The following PLPP1 variants were observed in gnomAD, a reference collection of about 807,000 sequenced individuals.
PLPP1 encodes the protein phospholipid phosphatase 1, also known as lipid phosphate phosphohydrolase 1a.
PLPP1 carries 24 observed loss-of-function variants against 31.2 expected under a neutral mutation model. The ratio of observed to expected loss-of-function variants is 0.77; its 90% CI spans 0.56 to 1.08. The LOEUF (loss-of-function observed/expected upper bound fraction) is 1.08, where lower values mean the gene tolerates loss of function less well. Ranked by LOEUF, PLPP1 falls within the 50% of genes least tolerant of loss-of-function variation. The pLI is 0.00. For synonymous variants in PLPP1, 146 were observed against 126.3 expected, an observed-to-expected ratio of 1.16 and a Z score of -1.05; for missense variants, 319 against 342.7, an observed-to-expected ratio of 0.93 and a Z score of 0.55.
intron 4 of PLPP1, among the ~76,000 whole-genome samples, chr5:55,430,873 A>C (rs1463020634): frequency 6.6e-6 from 1 of 152,200 alleles, no homozygotes; most frequent in African/African-American, 2.4e-5. Flanking sequence ...TTAGGATATG[A>C]ATGAGAAAAT....
chr5:55,501,313 C>CA (rs940282450), intron 1 of PLPP1, among the ~76,000 whole-genome samples: 29 of 151,156 alleles, frequency 1.9e-4, no homozygotes, highest in African/African-American at 5.8e-4. Context: ...GACTCCGTCT[C>CA]AAAAAAAACA....
chr5:55,469,792 A>G (rs973086122), intron 2 of PLPP1, among the ~76,000 whole-genome samples: 14 of 152,176 alleles, frequency 9.2e-5, no homozygotes, highest in Admixed American at 3.3e-4. Context: ...ACCTGGCTCA[A>G]TGGCTCCTAG....
intron 1 of PLPP1, among the ~76,000 whole-genome samples, chr5:55,532,400 T>C (rs887392901): frequency 6.6e-6 from 1 of 152,212 alleles, no homozygotes; most frequent in Non-Finnish European, 1.5e-5. Context: ...ACAAAGATGA[T>C]ATGTAATTCT....
chr5:55,527,703 T>G (rs1321326422), intron 1 of PLPP1, among the ~76,000 whole-genome samples: 2 of 152,204 alleles, frequency 1.3e-5, no homozygotes, highest in East Asian at 3.8e-4. Context: ...GATGGTGGTA[T>G]AACTCCAGGT....
At chr5:55,442,699 C>CCAA (rs1751651988) in intron 3 of PLPP1, among the ~76,000 whole-genome samples, 1 of 151,462 alleles carries the variant, frequency 6.6e-6, no homozygotes, top group Non-Finnish European at 1.5e-5. Context: ...TCTTGCCTTA[C>CCAA]ATTTCCCACC....
chr5:55,475,568 G>T, intron 1 of PLPP1, 118 bp from the exon 2 acceptor site: 1 of 910,708 alleles, frequency 1.1e-6, no homozygotes, highest in Non-Finnish European at 1.6e-6. Flanking sequence ...ATAAATGAGA[G>T]CACATGTAAA....
intron 1 of PLPP1, chr5:55,530,144 T>A: frequency 2.4e-6 from 3 of 1,226,106 alleles, no homozygotes; most frequent in Non-Finnish European, 3.6e-6. Context: ...GATGCAGAGA[T>A]GTCTACAGCC....
At chr5:55,491,142 C>A in intron 1 of PLPP1, 1 of 1,601,712 alleles carries the variant, frequency 6.2e-7, no homozygotes, top group Non-Finnish European at 8.5e-7. Context: ...AAAAGACACA[C>A]ATGATTAAAT....
chr5:55,463,780 CATAAATAAATAAATAAATAAATAA>C (rs58202815), intron 3 of PLPP1, among the ~76,000 whole-genome samples: 111 of 131,414 alleles, frequency 8.4e-4, no homozygotes, highest in African/African-American at 2.2e-3. Flanking sequence ...GACCCTGTCC[CATAAATAAATAAATAAATAAATAA>C]ATAAATAAAT....
At chr5:55,490,150 T>C (rs1201236926) in intron 1 of PLPP1, among the ~76,000 whole-genome samples, 1 of 143,276 alleles carries the variant, frequency 7.0e-6, no homozygotes, top group Non-Finnish European at 1.5e-5. Context: ...TTTTCTTTTT[T>C]TTTTTTTTTT....
At chr5:55,455,138 A>T (rs1234263898) in intron 3 of PLPP1, among the ~76,000 whole-genome samples, 9 of 152,266 alleles carry the variant, frequency 5.9e-5, no homozygotes, top group Admixed American at 5.9e-4. Context: ...TTGTATTTAA[A>T]TCTGATTCAT....
At chr5:55,523,799 C>T (rs1023665128) in intron 1 of PLPP1, among the ~76,000 whole-genome samples, 2 of 152,198 alleles carry the variant, frequency 1.3e-5, no homozygotes, top group African/African-American at 4.8e-5. Context: ...CCCAGCTCCT[C>T]CACGGCCAAC....
chr5:55,455,846 C>T (rs777009377), intron 3 of PLPP1, among the ~76,000 whole-genome samples: 2 of 152,188 alleles, frequency 1.3e-5, no homozygotes, highest in Non-Finnish European at 1.5e-5. Flanking sequence ...GCTAAATCTT[C>T]TCAATCAGGC....
rs1407941755 is a variant in PLPP1, at chr5:55,484,469, A to C, written c.59-9019T>G. 4 of 152,126 alleles carry C rather than the reference A, an allele frequency of 2.6e-5. No homozygotes were observed. In the East Asian group the frequency reaches 7.7e-4, roughly 29 times the overall value. 9.4% of individuals were successfully genotyped at this position (152,126 alleles called of 1,614,324 possible). A position where few individuals can be genotyped will look rare whatever the true frequency, so the allele number is the denominator to read the frequency against. ...TGGAAAGTTTCCAACTCCTAAGTAAACTTGGGTTGGCAGATTCAAAGGAAA... is the reference window on the plus strand; with the variant it reads ...TGGAAAGTTTCCAACTCCTAAGTAACCTTGGGTTGGCAGATTCAAAGGAAA... On this transcript the variant is annotated intron_variant, in intron 1 of 5. Coordinates refer to ENST00000307259, the MANE Select transcript of PLPP1 (RefSeq NM_003711.4).
At chr5:55,469,833 C>G (rs918948105) in intron 2 of PLPP1, among the ~76,000 whole-genome samples, 2 of 152,136 alleles carry the variant, frequency 1.3e-5, no homozygotes, top group African/African-American at 2.4e-5. Context: ...TTAACTTTGA[C>G]AATGAGACTA....
intron 1 of PLPP1, among the ~76,000 whole-genome samples, chr5:55,493,446 T>C (rs1295126233): frequency 6.6e-6 from 1 of 152,152 alleles, no homozygotes; most frequent in Non-Finnish European, 1.5e-5. Context: ...TCTGTGTTTA[T>C]TAAAAGATTA....
At chr5:55,528,981 C>G (rs181001784) in intron 1 of PLPP1, among the ~76,000 whole-genome samples, 1 of 152,224 alleles carries the variant, frequency 6.6e-6, no homozygotes, top group African/African-American at 2.4e-5. Flanking sequence ...TAGAATCTTT[C>G]TCACTGTATC....
chr5:55,475,494 T>C (rs1258129253), intron 1 of PLPP1, 44 bp from the exon 2 acceptor site: 4 of 1,499,068 alleles, frequency 2.7e-6, no homozygotes, highest in Non-Finnish European at 2.7e-6. Context: ...AAAAGAAATA[T>C]CAAAACTAAT....
chr5:55,476,153 G>T (rs1346578227), intron 1 of PLPP1, among the ~76,000 whole-genome samples: 4 of 151,026 alleles, frequency 2.6e-5, no homozygotes, highest in African/African-American at 9.7e-5. Context: ...TGGTTTGTTG[G>T]TTTTTTTGGG....
Sources: allele counts gnomAD v4.1 joint callset (sites outside exome capture counted in the v4.1 genomes callset), GRCh38; gene constraint gnomAD v4.1.1; transcripts MANE v1.5; gene names NCBI Gene and HGNC (gene_info 2026-07-23, HGNC 2026-07-21).